Variants in SVEP1 observed in about 807,000 individuals in gnomAD.
The protein encoded by SVEP1 is sushi, von Willebrand factor type A, EGF and pentraxin domain-containing protein 1.
Under a neutral mutation model 367.3 loss-of-function variants are expected in SVEP1, and 164 were observed. That is an observed-to-expected ratio of 0.45 (90% confidence interval 0.39 to 0.51). SVEP1 has a LOEUF of 0.51. SVEP1 is among the 20% of genes least tolerant of loss of function. The pLI is 0.00. For synonymous variants in SVEP1, 1,666 were observed against 1,611.6 expected (o/e 1.03, Z -0.81); for missense variants, 4,117 against 4,425.3 (o/e 0.93, Z 1.98).
chr9:110,401,613 G>C (rs576951898), intron 39 of SVEP1, among the ~76,000 whole-genome samples: 5 of 150,600 alleles, frequency 3.3e-5, no homozygotes, highest in Non-Finnish European at 5.9e-5. Context: ...CTCAATAAAT[G>C]ATTAAAATAA....
intron 27 of SVEP1, among the ~76,000 whole-genome samples, chr9:110,438,601 G>C (rs1392726711): frequency 6.6e-6 from 1 of 152,114 alleles, no homozygotes; most frequent in Non-Finnish European, 1.5e-5. Context: ...TTGTTTCTAA[G>C]TTTAATACTA....
At chr9:110,499,578 C>G (rs548216564) in intron 6 of SVEP1, among the ~76,000 whole-genome samples, 4 of 152,254 alleles carry the variant, frequency 2.6e-5, no homozygotes, top group African/African-American at 9.6e-5. Flanking sequence ...AGTCATAAAT[C>G]GAATTCCATA....
At chr9:110,383,558 G>C (rs978249883) in intron 43 of SVEP1, among the ~76,000 whole-genome samples, 1 of 63,896 alleles carries the variant, frequency 1.6e-5, no homozygotes, top group South Asian at 4.7e-4. Context: ...CCCCTGTTGT[G>C]GGGGGGTCTC....
chr9:110,369,683 C>T (rs983865566), intron 47 of SVEP1: 2 of 439,966 alleles, frequency 4.5e-6, no homozygotes, highest in Admixed American at 4.0e-5. Context: ...AGTATATGTG[C>T]TGCTGAAGTG....
chr9:110,552,135 G>A (rs967162080), intron 1 of SVEP1, among the ~76,000 whole-genome samples: 7 of 147,756 alleles, frequency 4.7e-5, no homozygotes, highest in African/African-American at 1.5e-4. Flanking sequence ...AGGTTCAAGC[G>A]ATTCTCCTGC....
At chr9:110,513,844 A>G in intron 4 of SVEP1, 104 bp downstream of exon 4, 3 of 1,317,776 alleles carry the variant, frequency 2.3e-6, no homozygotes, top group Non-Finnish European at 3.1e-6. Context: ...TAGAGAAAAG[A>G]ACATTAAAGA....
chr9:110,490,898 C>T lies in SVEP1; in HGVS notation c.1801-1119G>A, dbSNP rs570064056. Among the ~76,000 whole-genome samples the T allele has an allele frequency of 2.0e-5, 3 of 151,894 alleles. No homozygotes were observed. The South Asian group carries it at 6.2e-4, about 32-fold the overall frequency. On this transcript the variant is annotated intron_variant, in intron 8 of 47. Transcript: ENST00000374469. ...TGAATTGTATGTTTATTTTCTTCATCCATTGAAAATTGATAAATTTCCTTT... is the reference window on the plus strand; with the variant it reads ...TGAATTGTATGTTTATTTTCTTCATTCATTGAAAATTGATAAATTTCCTTT...
rs1421770577 is a variant in SVEP1, at chr9:110,482,348, A to G, written c.2170+13T>C. On this transcript the variant is annotated intron_variant, in intron 11 of 47. Coordinates refer to ENST00000374469, the MANE Select transcript of SVEP1 (RefSeq NM_153366.4). Reference sequence around the variant, plus strand: ...ATGTCAACTAGAATTCTGGGGACTTATGAAGACAATACCTTTTATGACAAT... The same window carrying G: ...ATGTCAACTAGAATTCTGGGGACTTGTGAAGACAATACCTTTTATGACAAT... The G allele has an allele frequency of 6.2e-7, 1 of 1,608,734 alleles. No homozygotes were observed.
chr9:110,485,036 A>G (rs928201966), intron 9 of SVEP1, among the ~76,000 whole-genome samples: 2 of 152,226 alleles, frequency 1.3e-5, no homozygotes, highest in Non-Finnish European at 2.9e-5. Flanking sequence ...TGATTCCTCA[A>G]AGACCTAGAA....
intron 36 of SVEP1, among the ~76,000 whole-genome samples, chr9:110,427,084 G>A (rs1828264740): frequency 6.6e-6 from 1 of 151,996 alleles, no homozygotes; most frequent in Non-Finnish European, 1.5e-5. Flanking sequence ...GATCACCTGA[G>A]GTCAGGAGTT....
chr9:110,472,470 G>T, intron 14 of SVEP1, 147 bp from the exon 15 acceptor site: 1 of 625,520 alleles, frequency 1.6e-6, no homozygotes, highest in Non-Finnish European at 2.5e-6. Context: ...GGTCTACAAT[G>T]TTATATATAT....
Position 110,431,773 on chromosome 9 carries a change from G to C in SVEP1, c.5353+142C>G, listed in dbSNP as rs1828352519. On this transcript the variant is annotated intron_variant, in intron 32 of 47. Transcript: ENST00000374469. ...TTTAGTTGTTACTGATGTGTCTTTTGTAAGAACTTTATCTTATCTGCCTAC... is the reference window on the plus strand; with the variant it reads ...TTTAGTTGTTACTGATGTGTCTTTTCTAAGAACTTTATCTTATCTGCCTAC... 3.5e-6 allele frequency: 4 copies of C among 1,130,274 alleles called. No homozygotes were observed. In the South Asian group the frequency reaches 6.0e-5, roughly 17 times the overall value. 70.0% of individuals were successfully genotyped at this position (1,130,274 alleles called of 1,614,324 possible).
chr9:110,369,891 T>G (rs1240905998), intron 47 of SVEP1, 32 bp downstream of exon 47: 1 of 1,582,138 alleles, frequency 6.3e-7, no homozygotes, highest in Admixed American at 1.7e-5. Flanking sequence ...GTCTTCATGT[T>G]ATAGGCGAAC....
At chr9:110,451,107 A>G (rs1275003529) in intron 23 of SVEP1, among the ~76,000 whole-genome samples, 182 bp downstream of exon 23, 1 of 152,206 alleles carries the variant, frequency 6.6e-6, no homozygotes, top group African/African-American at 2.4e-5. Flanking sequence ...GCAGACCTGC[A>G]TGCCCTTTTA....
At chr9:110,427,478 T>A in intron 36 of SVEP1, 113 bp downstream of exon 36, 1 of 1,286,232 alleles carries the variant, frequency 7.8e-7, no homozygotes, top group Admixed American at 2.3e-5. Flanking sequence ...AGGCTCTCTT[T>A]GTCTTTGGCT....
intron 8 of SVEP1, among the ~76,000 whole-genome samples, chr9:110,493,263 T>C (rs1829397471): frequency 6.6e-6 from 1 of 151,908 alleles, no homozygotes; most frequent in Non-Finnish European, 1.5e-5. Context: ...GCACATGGAC[T>C]ACACAAGAGA....
intron 30 of SVEP1, among the ~76,000 whole-genome samples, chr9:110,433,090 C>T (rs1828376332): frequency 6.6e-6 from 1 of 152,148 alleles, no homozygotes; most frequent in Non-Finnish European, 1.5e-5. Context: ...ATGTGATGTG[C>T]CTACTCTTGA....
Position 110,430,401 on chromosome 9 carries a change from T to G in SVEP1, c.5403A>C (p.Ser1801=). The change falls in exon 33 of 48, where the codon TCA becomes TCC. Residue 1801 remains serine, a synonymous_variant. Coordinates refer to ENST00000374469, the MANE Select transcript of SVEP1 (RefSeq NM_153366.4). ...APGNPENGHS[S]GEIYTVGAEV... is the part of the protein sequence containing the mutation. ...CGGCACCTACTGTATAAATCTCACC[T>G]GAGGAGTGGCCATTTTCCGGATTTC... The G allele has an allele frequency of 6.2e-7, 1 of 1,613,240 alleles. No individual in the cohort carries two copies. The highest frequency in any genetic ancestry group is 8.5e-7 in the Non-Finnish European group (1 of 1,179,604).
intron 1 of SVEP1, among the ~76,000 whole-genome samples, chr9:110,558,441 G>A (rs1434375156): frequency 6.7e-6 from 1 of 149,744 alleles, no homozygotes. Flanking sequence ...TTGGGCCCAG[G>A]AGGTGAATGT....
Sources: gnomAD v4.1 joint callset for allele counts (sites outside exome capture counted in the v4.1 genomes callset) on GRCh38, gnomAD v4.1.1 for gene constraint, MANE v1.5 for transcripts, NCBI Gene and HGNC (gene_info 2026-07-23, HGNC 2026-07-21) for gene names.